PCDHA13: variants seen among roughly 807,000 people sequenced by gnomAD.
PCDHA13 encodes protocadherin alpha 13, also known as protocadherin alpha-13.
PCDHA13 carries 54 observed loss-of-function variants against 64.8 expected under a neutral mutation model. The observed-to-expected ratio is 0.83, with a 90% confidence interval of 0.67 to 1.04. The LOEUF (loss-of-function observed/expected upper bound fraction) is 1.04, where lower values mean the gene tolerates loss of function less well. Among genes scored for constraint, PCDHA13 ranks in the 50% least tolerant of loss-of-function variants. The probability of loss-of-function intolerance (pLI) is 0.00; values close to 1 mark genes in which losing one functional copy is unlikely to be tolerated. For synonymous variants in PCDHA13, 587 were observed against 564.4 expected, an observed-to-expected ratio of 1.04 and a Z score of -0.57; for missense variants, 1,248 against 1,254.3, an observed-to-expected ratio of 0.99 and a Z score of 0.08.
At chr5:140,968,592 C>G (rs1554230905) in intron 1 of PCDHA13, 1 of 1,614,208 alleles carries the variant, frequency 6.2e-7, no homozygotes, top group African/African-American at 1.3e-5. Flanking sequence ...AAAGTCATAG[C>G]TATGGACTCA....
chr5:140,919,357 G>C (rs1158844072), intron 1 of PCDHA13, among the ~76,000 whole-genome samples: 3 of 152,148 alleles, frequency 2.0e-5, no homozygotes, highest in Non-Finnish European at 4.4e-5. Flanking sequence ...GAATCTAAAA[G>C]TGTCTCCTGC....
intron 1 of PCDHA13, among the ~76,000 whole-genome samples, chr5:140,907,242 T>A (rs532344223): frequency 6.6e-6 from 1 of 152,328 alleles, no homozygotes; most frequent in African/African-American, 2.4e-5. Flanking sequence ...TAGTTGACAT[T>A]GTAATTGTGA....
intron 1 of PCDHA13, among the ~76,000 whole-genome samples, chr5:140,905,832 G>A (rs1292036271): frequency 1.3e-5 from 2 of 152,150 alleles, no homozygotes; most frequent in Non-Finnish European, 2.9e-5. Context: ...TGTATATAAA[G>A]GGGAGTTTAT....
chr5:140,927,870 G>A (rs1302526715), intron 1 of PCDHA13: 1 of 1,614,100 alleles, frequency 6.2e-7, no homozygotes. Context: ...CCGCTAAACT[G>A]CTGGTGGAGG....
chr5:140,950,741 C>G (rs149114023), intron 1 of PCDHA13, among the ~76,000 whole-genome samples: 2,002 of 152,118 alleles, frequency 0.013, 30 homozygotes, highest in South Asian at 0.028. Context: ...ATCCTAATTT[C>G]TCTCTATCCT....
intron 1 of PCDHA13, chr5:140,927,270 C>G: frequency 6.2e-7 from 1 of 1,614,150 alleles, no homozygotes; most frequent in Non-Finnish European, 8.5e-7. Context: ...TCTTTCCTGC[C>G]GGCGACGTGC....
At position 141,010,025 on chromosome 5, in the gene PCDHA13, A is replaced by T; in HGVS notation, c.*88A>T. On this transcript the variant is annotated 3_prime_UTR_variant, in exon 4 of 4. Coordinates refer to ENST00000289272, the MANE Select transcript of PCDHA13 (RefSeq NM_018904.3). ...TAGCAATTCCCTGCTCCTTTTTCCT[A>T]TCTACATGAGCCCTCTTAGAGACCT... The T allele has an allele frequency of 6.4e-7, 1 of 1,573,940 alleles. No homozygotes were observed. The highest frequency in any genetic ancestry group is 1.2e-5 in the South Asian group (1 of 82,592).
intron 3 of PCDHA13, among the ~76,000 whole-genome samples, chr5:140,996,834 A>G (rs527764387): frequency 1.7e-4 from 26 of 152,374 alleles, no homozygotes; most frequent in Middle Eastern, 3.4e-3. Flanking sequence ...CCAATAATTT[A>G]GCGTGCATCT....
chr5:140,952,531 C>T (rs1463200514), intron 1 of PCDHA13, among the ~76,000 whole-genome samples: 1 of 152,138 alleles, frequency 6.6e-6, no homozygotes, highest in Non-Finnish European at 1.5e-5. Context: ...CCTCCTCAGA[C>T]TGGACTTCTT....
chr5:140,967,229 C>T, intron 1 of PCDHA13: 2 of 1,613,760 alleles, frequency 1.2e-6, no homozygotes, highest in East Asian at 2.2e-5. Flanking sequence ...CAACTACCAG[C>T]TTCAGGTAAG....
intron 1 of PCDHA13, among the ~76,000 whole-genome samples, chr5:140,917,503 T>G (rs1423295268): frequency 6.6e-6 from 1 of 152,208 alleles, no homozygotes; most frequent in African/African-American, 2.4e-5. Flanking sequence ...AGAATGATAT[T>G]TTCTAGGTTT....
At chr5:141,005,192 TTTCA>T (rs1554259924) in intron 3 of PCDHA13, among the ~76,000 whole-genome samples, 1 of 152,220 alleles carries the variant, frequency 6.6e-6, no homozygotes, top group African/African-American at 2.4e-5. Context: ...ACATCAGTCC[TTTCA>T]TTCATTCATC....
At chr5:140,982,252 C>A in intron 2 of PCDHA13, 2 of 770,940 alleles carry the variant, frequency 2.6e-6, no homozygotes, top group South Asian at 2.6e-5. Flanking sequence ...AAAGATAGAA[C>A]ATGTGTGTTC....
intron 1 of PCDHA13, among the ~76,000 whole-genome samples, chr5:140,972,732 C>T (rs2096552874): frequency 1.3e-5 from 2 of 149,646 alleles, no homozygotes; most frequent in Non-Finnish European, 3.0e-5. Flanking sequence ...GGCGTAATCC[C>T]GGCTCACTGC....
At chr5:140,995,592 A>G (rs2097690478) in intron 3 of PCDHA13, among the ~76,000 whole-genome samples, 1 of 152,212 alleles carries the variant, frequency 6.6e-6, no homozygotes, top group East Asian at 1.9e-4. Context: ...CTTTTAACTT[A>G]GTGTTTTTCT....
At chr5:140,953,127 G>T (rs909395659) in intron 1 of PCDHA13, among the ~76,000 whole-genome samples, 8 of 152,178 alleles carry the variant, frequency 5.3e-5, no homozygotes, top group African/African-American at 1.4e-4. Flanking sequence ...GATCTAAACC[G>T]TATCACTGTT....
At position 141,009,773 on chromosome 5, in the gene PCDHA13, A is replaced by C. The variant is rs782087059; in HGVS notation, c.2689A>C (p.Ile897Leu). ...KFIIPGSPAI[I>L]SIRQEPTNSQ... is the part of the protein sequence containing the mutation. ...CATTATCCCAGGATCTCCTGCAATC[A>C]TCTCCATCCGGCAGGAGCCTACTAA... Residue 897 changes from isoleucine to leucine, a missense_variant, in exon 4 of 4, where the codon ATC becomes CTC. Physicochemically the swap from Ile to Leu is conservative, Grantham distance 5. Transcript: ENST00000289272. 1 of 1,614,128 alleles carries C rather than the reference A, an allele frequency of 6.2e-7. No individual in the cohort carries two copies. Among genetic ancestry groups the C allele is most frequent in the East Asian group, 2.2e-5 (1 of 44,878 alleles).
At chr5:140,967,138 G>A in intron 1 of PCDHA13, 1 of 1,611,568 alleles carries the variant, frequency 6.2e-7, no homozygotes, top group Middle Eastern at 1.7e-4. Flanking sequence ...TGGAAGTGCT[G>A]GCGCACAACC....
rs1368766918 is a variant in PCDHA13 at position 141,010,867 on chromosome 5, A to G, written c.*930A>G. 4.6e-5 allele frequency: 7 copies of G among 153,798 alleles called. No homozygotes were observed. The highest frequency in any genetic ancestry group is 3.3e-4 in the Admixed American group (5 of 15,292). 9.5% of individuals were successfully genotyped at this position (153,798 alleles called of 1,614,324 possible). A position where few individuals can be genotyped will look rare whatever the true frequency, so the allele number is the denominator to read the frequency against. On this transcript the variant is annotated 3_prime_UTR_variant, in exon 4 of 4. Coordinates refer to ENST00000289272, the MANE Select transcript of PCDHA13 (RefSeq NM_018904.3). Reference sequence around the variant, plus strand: ...TTAAAAAAAGAGAAAGTCTATAGCTATAAATCTTTAAAGAGAAATATGAAT... The same window carrying G: ...TTAAAAAAAGAGAAAGTCTATAGCTGTAAATCTTTAAAGAGAAATATGAAT...
Sources: gnomAD v4.1 joint callset for allele counts (sites outside exome capture counted in the v4.1 genomes callset) on GRCh38, gnomAD v4.1.1 for gene constraint, MANE v1.5 for transcripts, NCBI Gene and HGNC (gene_info 2026-07-23, HGNC 2026-07-21) for gene names.